COL4A2: variants seen among roughly 807,000 people sequenced by gnomAD.
The protein encoded by COL4A2 is collagen alpha-2(IV) chain.
Under a neutral mutation model 200.2 loss-of-function variants are expected in COL4A2, and 99 were observed. The observed-to-expected ratio is 0.49, with a 90% CI of 0.42 to 0.58. The LOEUF (loss-of-function observed/expected upper bound fraction) is 0.58, where lower values mean the gene tolerates loss of function less well. Among genes scored for constraint, COL4A2 ranks in the 20% least tolerant of loss-of-function variants. The probability of loss-of-function intolerance (pLI) is 0.00; values close to 1 mark genes in which losing one functional copy is unlikely to be tolerated. For synonymous variants in COL4A2, 897 were observed against 900.6 expected (o/e 1.00, Z 0.07); for missense variants, 1,950 against 2,314.1 (o/e 0.84, Z 3.23).
At chr13:110,473,543 A>C in intron 29 of COL4A2, 3 of 185,370 alleles carry the variant, frequency 1.6e-5, no homozygotes, top group Admixed American at 6.0e-5. Flanking sequence ...AATAGAAATA[A>C]TCTGGAATGC....
chr13:110,408,091 G>A (rs11619425), intron 4 of COL4A2, among the ~76,000 whole-genome samples: 91,095 of 151,970 alleles, frequency 0.6, 27,674 homozygotes, highest in Admixed American at 0.65. Flanking sequence ...GTTTGGAGGG[G>A]AAGAGAGCAG....
chr13:110,371,441 A>G (rs1229076577), intron 4 of COL4A2, among the ~76,000 whole-genome samples: 2 of 152,208 alleles, frequency 1.3e-5, no homozygotes, highest in African/African-American at 4.8e-5. Context: ...TTCCAGGGGA[A>G]TAACAATGTA....
intron 37 of COL4A2, among the ~76,000 whole-genome samples, 177 bp from the exon 38 acceptor site, chr13:110,491,893 G>T (rs1203890705): frequency 6.6e-6 from 1 of 152,216 alleles, no homozygotes; most frequent in African/African-American, 2.4e-5. Flanking sequence ...TGTATGTGGG[G>T]TCTAAGACCA....
Position 110,307,889 on chromosome 13 carries a change from G to A in COL4A2, c.-15G>A. The A allele has an allele frequency of 6.2e-7, 1 of 1,611,264 alleles. No individual in the cohort carries two copies. Among genetic ancestry groups the A allele is most frequent in the South Asian group, 1.1e-5 (1 of 90,732 alleles). On this transcript the variant is annotated 5_prime_UTR_variant, in exon 2 of 48. Coordinates refer to ENST00000360467, the MANE Select transcript of COL4A2 (RefSeq NM_001846.4). The surrounding 1 kb of genome is among the most constrained non-coding windows in gnomAD (Gnocchi z 5.0). ...AGTGGGACTGACCGGGGCCCAGAGT[G>A]GACGAACCGCCAGCATGGGGAGAGA...
At chr13:110,433,144 GACT>G (rs1409626372) in intron 11 of COL4A2, among the ~76,000 whole-genome samples, 1 of 152,250 alleles carries the variant, frequency 6.6e-6, no homozygotes, top group African/African-American at 2.4e-5. Flanking sequence ...GACCCCTGGT[GACT>G]ACAGCTGCCA....
At chr13:110,363,835 G>A (rs2139394785) in intron 4 of COL4A2, among the ~76,000 whole-genome samples, 1 of 152,346 alleles carries the variant, frequency 6.6e-6, no homozygotes, top group South Asian at 2.1e-4. Context: ...GCACTTTTGT[G>A]TGGGTGTTTC....
intron 45 of COL4A2, among the ~76,000 whole-genome samples, chr13:110,505,557 G>A (rs1883832252): frequency 6.6e-6 from 1 of 152,132 alleles, no homozygotes; most frequent in Non-Finnish European, 1.5e-5. Flanking sequence ...TGGGAGAAAG[G>A]GCCATGACCA....
At chr13:110,430,117 T>C in intron 8 of COL4A2, 161 bp downstream of exon 8, 1 of 778,542 alleles carries the variant, frequency 1.3e-6, no homozygotes, top group Non-Finnish European at 1.9e-6. Context: ...CCGATCAGGA[T>C]GTTTTCAATC....
At chr13:110,408,865 A>G (rs1427340061) in intron 4 of COL4A2, among the ~76,000 whole-genome samples, 2 of 149,346 alleles carry the variant, frequency 1.3e-5, no homozygotes, top group Non-Finnish European at 3.0e-5. Flanking sequence ...ACATACACGC[A>G]CATATACACA....
rs774244194 is a variant in COL4A2, at chr13:110,445,840, C to A, written c.969C>A (p.Gly323=). ...KGSPGQKGSR[G]LDGYQGPDGP... ...TATCTTTCTTGCAGGGAAGCCGAGGCCTGGATGGCTATCAAGGGCCTGATG... is the reference window on the plus strand; with the variant it reads ...TATCTTTCTTGCAGGGAAGCCGAGGACTGGATGGCTATCAAGGGCCTGATG... Residue 323 remains glycine, a synonymous_variant, in exon 17 of 48, where the codon GGC becomes GGA. Coordinates refer to ENST00000360467, the MANE Select transcript of COL4A2 (RefSeq NM_001846.4). 8 of 1,614,054 alleles carry A rather than the reference C, an allele frequency of 5.0e-6. No individual in the cohort carries two copies. In the African/African-American group the frequency reaches 9.3e-5, roughly 19 times the overall value.
intron 4 of COL4A2, among the ~76,000 whole-genome samples, chr13:110,409,810 A>C (rs1879759065): frequency 6.6e-6 from 1 of 152,156 alleles, no homozygotes; most frequent in African/African-American, 2.4e-5. Flanking sequence ...ATGTGTGTTC[A>C]GCATTCGCCC....
chr13:110,403,370 T>C (rs1345468420), intron 4 of COL4A2, among the ~76,000 whole-genome samples: 1 of 152,240 alleles, frequency 6.6e-6, no homozygotes, highest in Admixed American at 6.5e-5. Context: ...ATATTTCTTC[T>C]GCCAAATATC....
chr13:110,507,960 G>T lies in COL4A2; in HGVS notation c.4620G>T (p.Arg1540=). The change falls in exon 47 of 48, where the codon CGG becomes CGT. Residue 1540 remains arginine (R), a synonymous_variant. Transcript: ENST00000360467. Reference sequence around the variant, plus strand: ...GGCTGGCGGGCTCCTGCCTGGCGCGGTTCAGCACCATGCCCTTCCTGTACT... The same window carrying T: ...GGCTGGCGGGCTCCTGCCTGGCGCGTTTCAGCACCATGCCCTTCCTGTACT... The part of the protein sequence containing the change: ...DLGLAGSCLA[R]FSTMPFLYCN... 1 of 1,614,078 alleles carries T rather than the reference G, an allele frequency of 6.2e-7. No individual in the cohort carries two copies. Among genetic ancestry groups the T allele is most frequent in the Non-Finnish European group, 8.5e-7 (1 of 1,180,024 alleles).
At chr13:110,458,501 C>T (rs1050169179) in intron 21 of COL4A2, among the ~76,000 whole-genome samples, 4 of 152,346 alleles carry the variant, frequency 2.6e-5, no homozygotes, top group South Asian at 2.1e-4. Context: ...TCAACCTATG[C>T]CTCTGAATGT....
chr13:110,310,984 C>T (rs986770969), intron 3 of COL4A2, among the ~76,000 whole-genome samples: 4 of 152,186 alleles, frequency 2.6e-5, no homozygotes, highest in African/African-American at 4.8e-5. Context: ...TCCTCCACAC[C>T]GAGCTTCCCA....
At chr13:110,329,056 C>G (rs1875778027) in intron 3 of COL4A2, among the ~76,000 whole-genome samples, 1 of 152,124 alleles carries the variant, frequency 6.6e-6, no homozygotes, top group Admixed American at 6.5e-5. Context: ...AATTCTTCTT[C>G]TATTTTAGCA....
At chr13:110,361,940 C>CTG (rs1877532730) in intron 4 of COL4A2, among the ~76,000 whole-genome samples, 2 of 152,222 alleles carry the variant, frequency 1.3e-5, no homozygotes, top group South Asian at 4.1e-4. Context: ...GAAATGGCCT[C>CTG]TGCAAATCTC....
intron 4 of COL4A2, among the ~76,000 whole-genome samples, chr13:110,365,169 T>C (rs1451727284): frequency 3.9e-5 from 6 of 152,094 alleles, no homozygotes; most frequent in Non-Finnish European, 8.8e-5. Context: ...GAGGCGGAGT[T>C]TCGCTCTTGT....
rs368115 is a variant in COL4A2 at position 110,489,669 on chromosome 13, G to A, written c.3272-42G>A. 0.14 allele frequency: 218,424 copies of A among 1,612,388 alleles called. 15,231 individuals are homozygous for A. Among genetic ancestry groups the A allele is most frequent in the African/African-American group, 0.19 (13,884 of 74,934 alleles). On this transcript the variant is annotated intron_variant, in intron 35 of 47. Transcript: ENST00000360467. ...AAGTTGCAAAACTCACAAAGTCCCA[G>A]TGGAAAGTCCTGTTCTTAGCCGTCT...
Sources: allele counts gnomAD v4.1 joint callset (sites outside exome capture counted in the v4.1 genomes callset), GRCh38; gene constraint gnomAD v4.1.1; non-coding constraint Gnocchi (gnomAD v3.1); transcripts MANE v1.5; gene names NCBI Gene and HGNC (gene_info 2026-07-23, HGNC 2026-07-21).